Variants in EYS observed in about 807,000 individuals in gnomAD.
EYS encodes the protein protein eyes shut homolog.
A neutral mutation model predicts 282.1 loss-of-function variants in EYS; 250 were observed. The ratio of observed to expected loss-of-function variants is 0.89; its 90% CI spans 0.80 to 0.98. EYS has a LOEUF of 0.98. EYS is among the 50% of genes least tolerant of loss of function. The pLI, the probability that EYS is intolerant of heterozygous loss-of-function variation, is 0.00. For synonymous variants in EYS, 1,355 were observed against 1,282.9 expected, an observed-to-expected ratio of 1.06 and a Z score of -1.20; for missense variants, 4,016 against 3,709.0, an observed-to-expected ratio of 1.08 and a Z score of -2.15.
At position 64,938,337 on chromosome 6, in the gene EYS, TGAGA is replaced by T. The variant is rs375999442; in HGVS notation, c.2381+7452_2381+7455del. Among the ~76,000 whole-genome samples the T allele has an allele frequency of 5.7e-3, 839 of 148,414 alleles. 4 individuals are homozygous for T. The highest frequency in any genetic ancestry group is 0.01 in the Middle Eastern group (3 of 288). ...ATGAATATAGTATAATAAGATATTTTGAGAGAGAGAGAGAGAGAGAGACCACATT... is the reference window on the plus strand; with the variant it reads ...ATGAATATAGTATAATAAGATATTTTGAGAGAGAGAGAGAGAGACCACATT... On this transcript the variant is annotated intron_variant, in intron 15 of 42. Coordinates refer to ENST00000503581, the MANE Select transcript of EYS (RefSeq NM_001142800.2).
At chr6:65,252,851 T>C (rs951892408) in intron 12 of EYS, among the ~76,000 whole-genome samples, 7 of 151,902 alleles carry the variant, frequency 4.6e-5, no homozygotes, top group Non-Finnish European at 7.4e-5. Context: ...CAATTCAGAA[T>C]GAAGATGACA....
chr6:64,207,020 T>C (rs1765628895), intron 31 of EYS, among the ~76,000 whole-genome samples: 1 of 152,130 alleles, frequency 6.6e-6, no homozygotes, highest in East Asian at 1.9e-4. Flanking sequence ...TTCTCCTCTA[T>C]GTGTCCATGT....
Position 65,689,269 on chromosome 6 carries a change from C to T in EYS, c.-448+17866G>A, listed in dbSNP as rs1335214221. Among the ~76,000 whole-genome samples the T allele has an allele frequency of 2.0e-5, 3 of 149,528 alleles. 1 individual carries two copies. Among genetic ancestry groups the T allele is most frequent in the Non-Finnish European group, 4.4e-5 (3 of 67,566 alleles). The stretch of plus-strand genomic sequence containing the variant: ...AACCATCATTCTCAGCAAACTATCG[C>T]AAGGACAAAAAACCAAACACCGCAT... On this transcript the variant is annotated intron_variant, in intron 1 of 42. Transcript: ENST00000503581.
chr6:64,471,901 C>T lies in EYS; in HGVS notation c.5645-32549G>A, dbSNP rs1341562950. Among the ~76,000 whole-genome samples, 5 of 152,106 alleles carry T rather than the reference C, an allele frequency of 3.3e-5. No homozygotes were observed. The South Asian group carries it at 6.2e-4, about 19-fold the overall frequency. On this transcript the variant is annotated intron_variant, in intron 26 of 42. Coordinates refer to ENST00000503581, the MANE Select transcript of EYS (RefSeq NM_001142800.2). ...AGACATAAGTTCTAGTCTTCAATAG[C>T]ACAGTAGGGTGACTGTAGTTAACAA... is the stretch of plus-strand genomic sequence containing the variant.
chr6:64,696,876 G>A (rs1440848695), intron 22 of EYS, among the ~76,000 whole-genome samples: 1 of 151,926 alleles, frequency 6.6e-6, no homozygotes, highest in Non-Finnish European at 1.5e-5. Context: ...GTTGATACCA[G>A]CCATCATAAA....
At chr6:65,461,042 T>A (rs1376600648) in intron 5 of EYS, among the ~76,000 whole-genome samples, 1 of 152,128 alleles carries the variant, frequency 6.6e-6, no homozygotes, top group Non-Finnish European at 1.5e-5. Context: ...CAGATATTGA[T>A]AAAATATTAT....
chr6:64,441,031 C>T (rs1774926850), intron 26 of EYS, among the ~76,000 whole-genome samples: 1 of 152,002 alleles, frequency 6.6e-6, no homozygotes, highest in Non-Finnish European at 1.5e-5. Flanking sequence ...TACGATGACG[C>T]TTGGGTGAAA....
chr6:64,659,484 T>G (rs1182465956), intron 22 of EYS, among the ~76,000 whole-genome samples: 1 of 151,544 alleles, frequency 6.6e-6, no homozygotes, highest in Non-Finnish European at 1.5e-5. Flanking sequence ...TTGATAGACC[T>G]TTAGCAAGAC....
At chr6:64,162,915 C>A (rs1025525043) in intron 31 of EYS, among the ~76,000 whole-genome samples, 4 of 152,094 alleles carry the variant, frequency 2.6e-5, no homozygotes, top group African/African-American at 9.7e-5. Context: ...AGTATGAATT[C>A]ATGTATTAAT....
chr6:65,639,657 G>A (rs1767212658), intron 2 of EYS, 121 bp downstream of exon 2: 1 of 152,036 alleles, frequency 6.6e-6, no homozygotes, highest in Non-Finnish European at 1.5e-5. Context: ...CTCTAGAGTA[G>A]GATGTTAATG....
At chr6:65,147,006 T>C (rs1437881877) in intron 12 of EYS, among the ~76,000 whole-genome samples, 1 of 152,052 alleles carries the variant, frequency 6.6e-6, no homozygotes, top group Non-Finnish European at 1.5e-5. Context: ...CTACTTTTTG[T>C]TGCTTTGTAT....
At chr6:63,759,202 G>A (rs1467836345) in intron 41 of EYS, among the ~76,000 whole-genome samples, 1 of 151,950 alleles carries the variant, frequency 6.6e-6, no homozygotes, top group African/African-American at 2.4e-5. Flanking sequence ...AATAATTTAG[G>A]ACTTGACAAA....
chr6:64,594,135 G>A (rs1766498044), intron 24 of EYS, among the ~76,000 whole-genome samples: 1 of 152,050 alleles, frequency 6.6e-6, no homozygotes, highest in African/African-American at 2.4e-5. Flanking sequence ...TCAGATGTGG[G>A]TGGTGGTTGT....
chr6:65,129,841 A>G (rs914069499), intron 12 of EYS, among the ~76,000 whole-genome samples: 11 of 151,912 alleles, frequency 7.2e-5, no homozygotes, highest in Admixed American at 6.6e-4. Flanking sequence ...CATTCTGCCA[A>G]AAAGACACAT....
At chr6:64,189,761 C>A (rs552781724) in intron 31 of EYS, among the ~76,000 whole-genome samples, 1 of 152,226 alleles carries the variant, frequency 6.6e-6, no homozygotes, top group South Asian at 2.1e-4. Context: ...TGCTGACTTA[C>A]CCTATGGATT....
chr6:65,256,262 CT>C (rs561232052), intron 12 of EYS, among the ~76,000 whole-genome samples: 3,548 of 137,150 alleles, frequency 0.026, 130 homozygotes, highest in African/African-American at 0.092. Context: ...AGACAAACTT[CT>C]TTTTTTTTTT....
rs560880244 is a variant in EYS, at chr6:65,179,253, T to TA, written c.2023+116609dup. ...AAATAGAGACACAAAAAAAAACCCT[T>TA]AAAAAAATCAATGAATCCAGGAGCT... On this transcript the variant is annotated intron_variant, in intron 12 of 42. Transcript: ENST00000503581. 5.3e-5 allele frequency among the ~76,000 whole-genome samples: 8 copies of TA among 151,702 alleles called. 1 individual carries two copies. The highest frequency in any genetic ancestry group is 2.1e-4 in the South Asian group (1 of 4,820).
At chr6:65,208,424 C>T (rs779921450) in intron 12 of EYS, among the ~76,000 whole-genome samples, 1 of 151,646 alleles carries the variant, frequency 6.6e-6, no homozygotes, top group South Asian at 2.1e-4. Flanking sequence ...CTACAACTAC[C>T]ATTTGATCCA....
chr6:64,094,784 G>A (rs1772523052), intron 31 of EYS, among the ~76,000 whole-genome samples: 1 of 151,912 alleles, frequency 6.6e-6, no homozygotes, highest in Non-Finnish European at 1.5e-5. Context: ...GTTATTTCTT[G>A]CCTTCTGCTA....
Sources: gnomAD v4.1 joint callset for allele counts (sites outside exome capture counted in the v4.1 genomes callset) on GRCh38, gnomAD v4.1.1 for gene constraint, MANE v1.5 for transcripts, NCBI Gene and HGNC (gene_info 2026-07-23, HGNC 2026-07-21) for gene names.